Variants in BACH2 observed in about 807,000 individuals in gnomAD.
BACH2 encodes transcription regulator protein BACH2.
Under a neutral mutation model 61.8 loss-of-function variants are expected in BACH2, and 5 were observed. The ratio of observed to expected loss-of-function variants is 0.08; its 90% confidence interval spans 0.04 to 0.17. The LOEUF is 0.17. BACH2 is among the 10% of genes least tolerant of loss of function. BACH2 has a pLI of 1.00. For missense variants in BACH2, 824 were observed against 1,091.1 expected (o/e 0.76, Z 3.45); for synonymous variants, 446 against 440.1 (o/e 1.01, Z -0.17).
At chr6:90,064,069 T>A (rs1339394540) in intron 5 of BACH2, among the ~76,000 whole-genome samples, 1 of 152,236 alleles carries the variant, frequency 6.6e-6, no homozygotes, top group Admixed American at 6.5e-5. Flanking sequence ...GTCTCCCTTA[T>A]GCAAGGCATT....
intron 4 of BACH2, among the ~76,000 whole-genome samples, chr6:90,196,572 C>G (rs1420750799): frequency 8.5e-5 from 13 of 152,130 alleles, no homozygotes; most frequent in African/African-American, 2.9e-4. Context: ...GCTGTCACAG[C>G]AAATTGTTTA....
chr6:90,123,583 A>C (rs1287394635), intron 4 of BACH2, among the ~76,000 whole-genome samples: 1 of 151,618 alleles, frequency 6.6e-6, no homozygotes. Flanking sequence ...ATCCCAGCTA[A>C]AACGGTGAAA....
intron 1 of BACH2, among the ~76,000 whole-genome samples, chr6:90,278,064 C>T (rs1163584681): frequency 6.6e-6 from 1 of 152,198 alleles, no homozygotes; most frequent in African/African-American, 2.4e-5. Flanking sequence ...GTTAAAGTGT[C>T]CTGCCCTAAC....
At chr6:90,051,735 A>C (rs930137197) in intron 5 of BACH2, among the ~76,000 whole-genome samples, 6 of 151,648 alleles carry the variant, frequency 4.0e-5, no homozygotes, top group African/African-American at 1.5e-4. Flanking sequence ...TAGCTTCTTA[A>C]TTTTCACTTT....
At chr6:90,296,099 GCGCGGACGC>G (rs1215576953) in intron 1 of BACH2, among the ~76,000 whole-genome samples, 1 of 151,976 alleles carries the variant, frequency 6.6e-6, no homozygotes, top group Admixed American at 6.5e-5. Flanking sequence ...GCTGCGGCTC[GCGCGGACGC>G]GCGCCTCCTG....
chr6:90,011,530 C>CTTTTG (rs775774218), intron 5 of BACH2, among the ~76,000 whole-genome samples: 8 of 152,084 alleles, frequency 5.3e-5, no homozygotes, highest in South Asian at 4.1e-4. Flanking sequence ...TGTTTGTCTA[C>CTTTTG]TTTTGTTTTG....
intron 4 of BACH2, among the ~76,000 whole-genome samples, chr6:90,125,771 C>T (rs1783824246): frequency 6.6e-6 from 1 of 152,164 alleles, no homozygotes; most frequent in South Asian, 2.1e-4. Flanking sequence ...GGCTCCATAC[C>T]CAGCACACGC....
At chr6:90,158,365 TC>T (rs1785065258) in intron 4 of BACH2, among the ~76,000 whole-genome samples, 1 of 152,180 alleles carries the variant, frequency 6.6e-6, no homozygotes, top group Non-Finnish European at 1.5e-5. Flanking sequence ...CCATTCCCCT[TC>T]CTTGCAAAAT....
intron 4 of BACH2, among the ~76,000 whole-genome samples, chr6:90,151,242 T>C (rs545102528): frequency 2.6e-5 from 4 of 152,314 alleles, no homozygotes; most frequent in East Asian, 1.9e-4. Context: ...CTCCTTGGAA[T>C]CATTTCGTGT....
rs193178146 is a variant in BACH2, at chr6:90,181,666, C to T, written c.-162+24903G>A. Among the ~76,000 whole-genome samples the T allele has an allele frequency of 3.2e-4, 49 of 152,172 alleles. 1 individual carries two copies. In the East Asian group the frequency reaches 5.6e-3, roughly 17 times the overall value. ...GCACAATCACAGCTCACTGCAGCCT[C>T]GATCACCTGGGCTCAAGCAATCCTC... On this transcript the variant is annotated intron_variant, in intron 4 of 8. Coordinates refer to ENST00000257749, the MANE Select transcript of BACH2 (RefSeq NM_021813.4).
intron 4 of BACH2, among the ~76,000 whole-genome samples, chr6:90,099,229 CAGG>C (rs1265034586): frequency 1.3e-5 from 2 of 152,140 alleles, no homozygotes; most frequent in African/African-American, 4.8e-5. Flanking sequence ...GTTTCTCCTC[CAGG>C]AGAAGTGTGG....
intron 4 of BACH2, among the ~76,000 whole-genome samples, chr6:90,115,304 G>A (rs1025770365): frequency 3.9e-5 from 6 of 152,070 alleles, no homozygotes; most frequent in Admixed American, 3.9e-4. Flanking sequence ...AAACAGCATG[G>A]TACTGGTACA....
chr6:90,054,127 G>A (rs1358375723), intron 5 of BACH2, among the ~76,000 whole-genome samples: 1 of 152,224 alleles, frequency 6.6e-6, no homozygotes, highest in Admixed American at 6.5e-5. Flanking sequence ...GTGCAGGACA[G>A]TGGGTGCAGC....
chr6:90,099,330 G>A (rs1428645961), intron 4 of BACH2, among the ~76,000 whole-genome samples: 2 of 152,160 alleles, frequency 1.3e-5, no homozygotes, highest in African/African-American at 4.8e-5. Context: ...TTGAACAAAG[G>A]CTCAGTTTCC....
intron 4 of BACH2, among the ~76,000 whole-genome samples, chr6:90,132,808 T>A (rs1397159858): frequency 6.6e-6 from 1 of 152,162 alleles, no homozygotes; most frequent in Non-Finnish European, 1.5e-5. Flanking sequence ...GTCTTTCCAA[T>A]CCTATTTCCC....
chr6:90,027,629 T>C (rs1411569570), intron 5 of BACH2, among the ~76,000 whole-genome samples: 5 of 152,198 alleles, frequency 3.3e-5, no homozygotes, highest in African/African-American at 1.2e-4. Context: ...TTCTTGACTC[T>C]AAAATGCACC....
intron 3 of BACH2, among the ~76,000 whole-genome samples, chr6:90,247,490 A>G (rs373897577): frequency 1.6e-4 from 25 of 152,032 alleles, no homozygotes; most frequent in African/African-American, 5.8e-4. Flanking sequence ...CAATCTCCCA[A>G]AGTGCTGGAA....
At chr6:90,194,049 C>T (rs1345904853) in intron 4 of BACH2, among the ~76,000 whole-genome samples, 8 of 152,024 alleles carry the variant, frequency 5.3e-5, no homozygotes, top group East Asian at 1.9e-4. Flanking sequence ...ACTTCAACTA[C>T]GCCACATAAT....
intron 4 of BACH2, among the ~76,000 whole-genome samples, chr6:90,096,506 G>T (rs889211336): frequency 6.6e-6 from 1 of 152,192 alleles, no homozygotes; most frequent in Admixed American, 6.5e-5. Flanking sequence ...CAGCAGCAGG[G>T]ACCTAGCTTC....
Sources: gnomAD v4.1 joint callset for allele counts (sites outside exome capture counted in the v4.1 genomes callset) on GRCh38, gnomAD v4.1.1 for gene constraint, MANE v1.5 for transcripts, NCBI Gene and HGNC (gene_info 2026-07-23, HGNC 2026-07-21) for gene names.